Variants in MAGI3 observed in about 807,000 individuals in gnomAD.
The protein encoded by MAGI3 is membrane associated guanylate kinase, WW and PDZ domain containing 3, also known as membrane-associated guanylate kinase, WW and PDZ domain-containing protein 3.
Under a neutral mutation model 121.8 loss-of-function variants are expected in MAGI3, and 43 were observed. The observed-to-expected ratio is 0.35, with a 90% CI of 0.28 to 0.46. The LOEUF (loss-of-function observed/expected upper bound fraction) is 0.46. Among genes scored for constraint, MAGI3 ranks in the 20% least tolerant of loss-of-function variants. The pLI, the probability that MAGI3 is intolerant of heterozygous loss-of-function variation, is 1.00. For missense variants in MAGI3, 1,547 were observed against 1,797.3 expected (o/e 0.86, Z 2.52); for synonymous variants, 553 against 639.3 (o/e 0.86, Z 2.04).
At chr1:113,527,058 T>TAA (rs1658488069) in intron 1 of MAGI3, among the ~76,000 whole-genome samples, 1 of 152,136 alleles carries the variant, frequency 6.6e-6, no homozygotes, top group African/African-American at 2.4e-5. Context: ...TGTACAGAAT[T>TAA]TAGAACAGGT....
intron 1 of MAGI3, among the ~76,000 whole-genome samples, chr1:113,476,839 A>G (rs949204150): frequency 3.9e-5 from 6 of 152,086 alleles, no homozygotes; most frequent in Non-Finnish European, 8.8e-5. Flanking sequence ...GTCTCCCGTT[A>G]TTATTGTGTG....
At chr1:113,612,561 C>T (rs1650222038) in intron 6 of MAGI3, among the ~76,000 whole-genome samples, 1 of 150,592 alleles carries the variant, frequency 6.6e-6, no homozygotes, top group African/African-American at 2.5e-5. Context: ...ATTACCTTCA[C>T]TTTAAATGAG....
intron 1 of MAGI3, among the ~76,000 whole-genome samples, chr1:113,470,170 C>CT (rs11364764): frequency 3.5e-4 from 51 of 147,618 alleles, no homozygotes; most frequent in East Asian, 7.9e-4. Flanking sequence ...AGAAAATAGT[C>CT]TTTTTTTTTT....
In MAGI3 at chr1:113,503,219, TAAAAAAAAAAAAAAAAAAAAAAAAA is replaced by T. The variant is rs869272201; in HGVS notation, c.317-46282_317-46258del. On this transcript the variant is annotated intron_variant, in intron 1 of 20. Coordinates refer to ENST00000307546, the MANE Select transcript of MAGI3 (RefSeq NM_001142782.2). Reference sequence around the variant, plus strand: ...TGTACCCTAAAACTTAGAGTATAATTAAAAAAAAAAAAAAAAAAAAAAAAAAAAAAAAAAAAAAGATCACACCACT... The same window carrying T: ...TGTACCCTAAAACTTAGAGTATAATTAAAAAAAAAAAAAGATCACACCACT... Among the ~76,000 whole-genome samples the T allele has an allele frequency of 3.3e-4, 3 of 8,996 alleles. 1 individual carries two copies. Among genetic ancestry groups the T allele is most frequent in the Admixed American group, 4.9e-3 (2 of 406 alleles). The allele number at this position is 8,996 out of a possible 152,430, so 5.9% of individuals were successfully genotyped here. A position where few individuals can be genotyped will look rare whatever the true frequency, so the allele number is the denominator to read the frequency against.
In MAGI3 at chr1:113,683,768, A is replaced by G. The variant is rs1648369356; in HGVS notation, c.4200A>G (p.Ile1400Met). The G allele has an allele frequency of 1.9e-6, 3 of 1,604,814 alleles. No homozygotes were observed. The highest frequency in any genetic ancestry group is 2.6e-6 in the Non-Finnish European group (3 of 1,175,262). The change falls in exon 21 of 21, where the codon ATA becomes ATG. Residue 1400 changes from isoleucine (I) to methionine (M), a missense_variant. By Grantham distance (10) the Ile-to-Met change is conservative. Coordinates refer to ENST00000307546, the MANE Select transcript of MAGI3 (RefSeq NM_001142782.2). Reference sequence around the variant, plus strand: ...AAACAAGTTCTAGTAACGATAAAATAGGAGAAAATGTCCAGCTATCAGAAA... The same window carrying G: ...AAACAAGTTCTAGTAACGATAAAATGGGAGAAAATGTCCAGCTATCAGAAA... ...TGETSSSNDK[I>M]GENVQLSEKR...
intron 1 of MAGI3, among the ~76,000 whole-genome samples, chr1:113,417,367 G>A (rs1394484207): frequency 6.6e-6 from 1 of 152,072 alleles, no homozygotes; most frequent in Non-Finnish European, 1.5e-5. Flanking sequence ...GGATTTTGGA[G>A]TATAGCCACG....
intron 19 of MAGI3, 142 bp downstream of exon 19, chr1:113,673,607 C>A: frequency 1.2e-6 from 1 of 866,448 alleles, no homozygotes. Context: ...CTAAAAAAGG[C>A]AAATGCTTGT....
chr1:113,535,419 A>G (rs769763339), intron 1 of MAGI3, among the ~76,000 whole-genome samples: 1 of 152,168 alleles, frequency 6.6e-6, no homozygotes, highest in Non-Finnish European at 1.5e-5. Flanking sequence ...AGAAACATGT[A>G]CCAATTTTGT....
At chr1:113,429,871 G>A (rs1041744233) in intron 1 of MAGI3, among the ~76,000 whole-genome samples, 2 of 152,106 alleles carry the variant, frequency 1.3e-5, no homozygotes, top group Non-Finnish European at 2.9e-5. Context: ...ATTGGCCTTA[G>A]GTTCCCTGCC....
chr1:113,506,723 T>C (rs1221823304), intron 1 of MAGI3, among the ~76,000 whole-genome samples: 1 of 152,188 alleles, frequency 6.6e-6, no homozygotes. Context: ...AGGTAGCTTA[T>C]AGGAAGAAGT....
At chr1:113,515,168 A>T (rs918507080) in intron 1 of MAGI3, among the ~76,000 whole-genome samples, 19 of 150,630 alleles carry the variant, frequency 1.3e-4, no homozygotes, top group East Asian at 5.8e-4. Context: ...GTAAAAAAAA[A>T]TTTTTTTTTT....
intron 2 of MAGI3, among the ~76,000 whole-genome samples, chr1:113,564,942 C>G (rs1357271028): frequency 6.6e-6 from 1 of 151,908 alleles, no homozygotes. Context: ...CTCCACCTCC[C>G]AGGTTCAAGT....
intron 2 of MAGI3, among the ~76,000 whole-genome samples, chr1:113,577,911 A>G (rs1570891935): frequency 2.0e-5 from 3 of 152,266 alleles, no homozygotes; most frequent in Admixed American, 2.0e-4. Context: ...ATTGTTTTTT[A>G]GTCATTATGT....
intron 9 of MAGI3, among the ~76,000 whole-genome samples, chr1:113,634,313 T>C (rs1411147801): frequency 1.3e-5 from 2 of 152,034 alleles, no homozygotes; most frequent in East Asian, 1.9e-4. Context: ...TCCTTGCCCA[T>C]GCCTATGTCC....
Position 113,514,482 on chromosome 1 carries a change from G to A in MAGI3, c.317-35033G>A, listed in dbSNP as rs928512645. Among the ~76,000 whole-genome samples the A allele has an allele frequency of 1.8e-4, 27 of 152,018 alleles. 1 individual carries two copies. Among genetic ancestry groups the A allele is most frequent in the South Asian group, 2.1e-4 (1 of 4,798 alleles). On this transcript the variant is annotated intron_variant, in intron 1 of 20. Coordinates refer to ENST00000307546, the MANE Select transcript of MAGI3 (RefSeq NM_001142782.2). ...GAGTTCATGTCCTTTGTAGGGACAT[G>A]GATGAAACTGGAAATCATCATTCTC...
intron 1 of MAGI3, among the ~76,000 whole-genome samples, chr1:113,547,576 T>C (rs2101665607): frequency 1.3e-5 from 2 of 152,306 alleles, no homozygotes; most frequent in Middle Eastern, 6.8e-3. Flanking sequence ...TTGTATAACA[T>C]TTACAAAACA....
intron 1 of MAGI3, among the ~76,000 whole-genome samples, chr1:113,432,009 A>G (rs901467900): frequency 2.0e-5 from 3 of 152,208 alleles, no homozygotes; most frequent in Non-Finnish European, 4.4e-5. Flanking sequence ...AGATAAATAG[A>G]CTAGTGAAGC....
chr1:113,526,479 A>G (rs192248039), intron 1 of MAGI3, among the ~76,000 whole-genome samples: 34 of 152,302 alleles, frequency 2.2e-4, no homozygotes, highest in African/African-American at 7.7e-4. Flanking sequence ...GAGAGAGAGA[A>G]CCTAATATTT....
At chr1:113,587,191 GTTTA>G (rs1570905574) in intron 4 of MAGI3, among the ~76,000 whole-genome samples, 6 of 95,840 alleles carry the variant, frequency 6.3e-5, no homozygotes, top group South Asian at 7.3e-4. Flanking sequence ...GTTGTTTTTT[GTTTA>G]TTTGTTTGTT....
Sources: gnomAD v4.1 joint callset for allele counts (sites outside exome capture counted in the v4.1 genomes callset) on GRCh38, gnomAD v4.1.1 for gene constraint, MANE v1.5 for transcripts, NCBI Gene and HGNC (gene_info 2026-07-23, HGNC 2026-07-21) for gene names.